Variants in LPAR3 observed in about 807,000 individuals in gnomAD.
LPAR3 encodes LPA receptor 3.
In LPAR3, 7 loss-of-function variants were observed where a neutral mutation model predicts 17.8. The observed-to-expected ratio is 0.39, with a 90% CI of 0.22 to 0.74. The LOEUF is 0.74. Ranked by LOEUF, LPAR3 falls within the 30% of genes least tolerant of loss-of-function variation. The pLI, the probability that LPAR3 is intolerant of heterozygous loss-of-function variation, is 0.40. For missense variants in LPAR3, 391 were observed against 453.4 expected, an observed-to-expected ratio of 0.86 and a Z score of 1.25; for synonymous variants, 179 against 179.9, an observed-to-expected ratio of 0.99 and a Z score of 0.04.
At chr1:84,814,810 T>C (rs1658901584) in intron 2 of LPAR3, among the ~76,000 whole-genome samples, 1 of 152,236 alleles carries the variant, frequency 6.6e-6, no homozygotes, top group South Asian at 2.1e-4. Flanking sequence ...TCATCTGCTC[T>C]ACATTTAGAT....
chr1:84,876,155 A>G (rs1345077646), intron 1 of LPAR3, among the ~76,000 whole-genome samples: 1 of 152,210 alleles, frequency 6.6e-6, no homozygotes, highest in Non-Finnish European at 1.5e-5. Flanking sequence ...AGCAGCATCC[A>G]TCACTGGAGA....
At chr1:84,856,437 T>C (rs1316484335) in intron 2 of LPAR3, among the ~76,000 whole-genome samples, 2 of 152,238 alleles carry the variant, frequency 1.3e-5, no homozygotes, top group African/African-American at 2.4e-5. Context: ...TACTAAGGCA[T>C]GCAGGCAGTA....
chr1:84,817,291 A>ACACC (rs1000146030), intron 2 of LPAR3, among the ~76,000 whole-genome samples: 7 of 144,574 alleles, frequency 4.8e-5, no homozygotes, highest in African/African-American at 1.8e-4. Context: ...ACACACACAC[A>ACACC]CCCCTCACTT....
chr1:84,888,222 GGA>G (rs1660495699), intron 1 of LPAR3, among the ~76,000 whole-genome samples: 1 of 150,760 alleles, frequency 6.6e-6, no homozygotes, highest in East Asian at 1.9e-4. Flanking sequence ...GGAGAGAGAG[GGA>G]GAGATTGAGA....
intron 1 of LPAR3, among the ~76,000 whole-genome samples, chr1:84,889,688 TGG>T (rs1660519171): frequency 6.6e-6 from 1 of 152,214 alleles, no homozygotes; most frequent in Admixed American, 6.5e-5. Flanking sequence ...GAGAGGAATA[TGG>T]AAGAACTGCA....
intron 1 of LPAR3, among the ~76,000 whole-genome samples, chr1:84,887,571 G>A (rs1466418578): frequency 6.6e-6 from 1 of 152,108 alleles, no homozygotes; most frequent in African/African-American, 2.4e-5. Context: ...AAAGGGAAAC[G>A]AAGGAAAAAT....
intron 1 of LPAR3, among the ~76,000 whole-genome samples, chr1:84,872,541 A>C (rs576849696): frequency 1.3e-5 from 2 of 152,250 alleles, no homozygotes; most frequent in Non-Finnish European, 2.9e-5. Context: ...TCCAGGCAAC[A>C]AAATAAAGTA....
rs776730200 is a variant in LPAR3, at chr1:84,865,854, G to T, written c.267C>A (p.Asn89Lys). The T allele has an allele frequency of 6.2e-7, 1 of 1,614,202 alleles. No individual in the cohort carries two copies. The highest frequency in any genetic ancestry group is 8.5e-7 in the Non-Finnish European group (1 of 1,180,040). Residue 89 changes from asparagine (N) to lysine (K), a missense_variant, in exon 2 of 3, where the codon AAC becomes AAA. Physicochemically the swap from Asn to Lys is moderately conservative, Grantham distance 94 (BLOSUM62 0). Transcript: ENST00000370611. ...TCAAAGTTTTTGAAACTGGGCCTGT[G>T]TTAAACATCAGGAATACATAGGCAA... The part of the protein sequence containing the change: ...AGIAYVFLMF[N>K]TGPVSKTLTV...
chr1:84,844,885 TA>T (rs1262695044), intron 2 of LPAR3, among the ~76,000 whole-genome samples: 1 of 152,232 alleles, frequency 6.6e-6, no homozygotes, highest in East Asian at 1.9e-4. Context: ...ACAGTGGTTC[TA>T]AAATCTCTAA....
Position 84,811,839 on chromosome 1 carries a change from T to G in LPAR3, c.*2007A>C, listed in dbSNP as rs1194145382. ...TCTTTTGCAAACTACATAAATACTA[T>G]AATATCTACCTTGAAGTTATTCTCA... On this transcript the variant is annotated 3_prime_UTR_variant, in exon 3 of 3. Transcript: ENST00000370611. 6.6e-6 allele frequency: 1 copy of G among 152,172 alleles called. No homozygotes were observed. The highest frequency in any genetic ancestry group is 1.5e-5 in the Non-Finnish European group (1 of 68,028). 9.4% of individuals were successfully genotyped at this position (152,172 alleles called of 1,614,324 possible).
chr1:84,870,081 A>G (rs1660131391), intron 1 of LPAR3, among the ~76,000 whole-genome samples: 1 of 152,258 alleles, frequency 6.6e-6, no homozygotes, highest in Admixed American at 6.5e-5. Flanking sequence ...AGCTTATAAC[A>G]AATGACTGAT....
intron 2 of LPAR3, among the ~76,000 whole-genome samples, chr1:84,834,076 T>C (rs538235318): frequency 5.6e-4 from 85 of 152,304 alleles, no homozygotes; most frequent in African/African-American, 1.9e-3. Context: ...GTGGTAGAAG[T>C]AGTGTGCTGA....
At position 84,813,759 on chromosome 1, in the gene LPAR3, G is replaced by A. The variant is rs1231460552; in HGVS notation, c.*87C>T. On this transcript the variant is annotated 3_prime_UTR_variant, in exon 3 of 3. Transcript: ENST00000370611. ...ATTAATGGAGACCTCAAATAACACT[G>A]TACATGGGCTTTGTTAGAGACAGGT... 1 of 1,117,024 alleles carries A rather than the reference G, an allele frequency of 9.0e-7. No individual in the cohort carries two copies. The highest frequency in any genetic ancestry group is 1.6e-5 in the African/African-American group (1 of 64,454). The allele number at this position is 1,117,024 out of a possible 1,614,324, so 69.2% of individuals were successfully genotyped here. A position where few individuals can be genotyped will look rare whatever the true frequency, so the allele number is the denominator to read the frequency against.
chr1:84,824,011 G>A (rs1357969490), intron 2 of LPAR3, among the ~76,000 whole-genome samples: 6 of 152,168 alleles, frequency 3.9e-5, no homozygotes, highest in Non-Finnish European at 8.8e-5. Context: ...ATTAGGCTGT[G>A]GGCATGTAAT....
rs769889389 is a variant in LPAR3, at chr1:84,813,799, G to A, written c.*47C>T. The A allele has an allele frequency of 1.4e-6, 2 of 1,440,624 alleles. No homozygotes were observed. Among genetic ancestry groups the A allele is most frequent in the Admixed American group, 3.5e-5 (2 of 57,018 alleles). The allele number at this position is 1,440,624 out of a possible 1,614,324, so 89.2% of individuals were successfully genotyped here. A position where few individuals can be genotyped will look rare whatever the true frequency, so the allele number is the denominator to read the frequency against. ...TAGAGACAGGTAATCATTCTTAACAGCTCTTTTCCCAGAGGAGGCCTGGGT... is the reference window on the plus strand; with the variant it reads ...TAGAGACAGGTAATCATTCTTAACAACTCTTTTCCCAGAGGAGGCCTGGGT... On this transcript the variant is annotated 3_prime_UTR_variant, in exon 3 of 3. Transcript: ENST00000370611.
chr1:84,858,947 G>T (rs1659882479), intron 2 of LPAR3, among the ~76,000 whole-genome samples: 1 of 152,176 alleles, frequency 6.6e-6, no homozygotes, highest in Non-Finnish European at 1.5e-5. Context: ...GTCTTACAAG[G>T]TGAATGGGAG....
rs1206774677 is a variant in LPAR3 at position 84,813,158 on chromosome 1, T to TATAGAGAGAGAGAGAGAGAG, written c.*687_*688insCTCTCTCTCTCTCTCTCTAT. The TATAGAGAGAGAGAGAGAGAG allele has an allele frequency of 8.6e-4, 87 of 101,670 alleles. No homozygotes were observed. Among genetic ancestry groups the TATAGAGAGAGAGAGAGAGAG allele is most frequent in the Middle Eastern group, 0.012 (2 of 162 alleles). 6.3% of individuals were successfully genotyped at this position (101,670 alleles called of 1,614,324 possible). A position where few individuals can be genotyped will look rare whatever the true frequency, so the allele number is the denominator to read the frequency against. On this transcript the variant is annotated 3_prime_UTR_variant, in exon 3 of 3. Transcript: ENST00000370611. ...ATATATATATATATATATATATATA[T>TATAGAGAGAGAGAGAGAGAG]AGACACACACACACACACACACACA...
intron 1 of LPAR3, among the ~76,000 whole-genome samples, chr1:84,890,889 G>C (rs1202305204): frequency 1.3e-5 from 2 of 152,196 alleles, no homozygotes; most frequent in Admixed American, 1.3e-4. Context: ...TTAGGCATGT[G>C]TGTATAAGTG....
At chr1:84,849,763 C>T (rs533361928) in intron 2 of LPAR3, among the ~76,000 whole-genome samples, 1 of 152,264 alleles carries the variant, frequency 6.6e-6, no homozygotes, top group South Asian at 2.1e-4. Context: ...GACAAAGAGG[C>T]CTCAACGAAA....
Sources: allele counts gnomAD v4.1 joint callset (sites outside exome capture counted in the v4.1 genomes callset), GRCh38; gene constraint gnomAD v4.1.1; transcripts MANE v1.5; gene names NCBI Gene and HGNC (gene_info 2026-07-23, HGNC 2026-07-21).